The following ZNF431 variants were observed in gnomAD, a reference collection of about 807,000 sequenced individuals.
ZNF431 encodes zinc finger protein 431.
A neutral mutation model predicts 57.0 loss-of-function variants in ZNF431; 34 were observed. The ratio of observed to expected loss-of-function variants is 0.60; its 90% CI spans 0.45 to 0.79. ZNF431 has a LOEUF of 0.79. ZNF431 is among the 30% of genes least tolerant of loss of function. The pLI, the probability that ZNF431 is intolerant of heterozygous loss-of-function variation, is 0.00. For missense variants in ZNF431, 607 were observed against 667.1 expected, an observed-to-expected ratio of 0.91 and a Z score of 0.99; for synonymous variants, 207 against 220.3, an observed-to-expected ratio of 0.94 and a Z score of 0.54.
At chr19:21,155,491 C>T (rs923990564) in intron 2 of ZNF431, among the ~76,000 whole-genome samples, 1 of 152,160 alleles carries the variant, frequency 6.6e-6, no homozygotes, top group Admixed American at 6.5e-5. Flanking sequence ...TTAGGATTGA[C>T]TTGGCAATGT....
rs148582939 is a variant in ZNF431 at position 21,178,525 on chromosome 19, T to G, written c.320-4098T>G. Among the ~76,000 whole-genome samples the G allele has an allele frequency of 2.4e-4, 37 of 152,320 alleles. 1 individual carries two copies. In the East Asian group the frequency reaches 7.1e-3, roughly 29 times the overall value. On this transcript the variant is annotated intron_variant, in intron 4 of 4. Transcript: ENST00000311048. ...TTTTTAACATGAAGGGATGTTGAAT[T>G]TGTTCGAAGGCCTTTTCCGCATTTT...
chr19:21,150,400 A>G, intron 2 of ZNF431: 1 of 317,686 alleles, frequency 3.1e-6, no homozygotes, highest in South Asian at 3.2e-5. Flanking sequence ...CAGGGGTTGG[A>G]GCCACCTTCT....
chr19:21,161,531 A>T (rs998247506), intron 2 of ZNF431, among the ~76,000 whole-genome samples: 1 of 152,074 alleles, frequency 6.6e-6, no homozygotes, highest in Non-Finnish European at 1.5e-5. Context: ...AGTTACATAA[A>T]CTCTGGGATT....
chr19:21,194,469 ATTAC>A lies in ZNF431; in HGVS notation c.*10438_*10441del, dbSNP rs1423044681. ...TTTTTGTTTTTTTATCAAAATGTCG[ATTAC>A]TTTTTTTTTTTTTTTGAGACAGTGT... On this transcript the variant is annotated 3_prime_UTR_variant, in exon 5 of 5. Coordinates refer to ENST00000311048, the MANE Select transcript of ZNF431 (RefSeq NM_133473.4). 7 of 151,194 alleles carry A rather than the reference ATTAC, an allele frequency of 4.6e-5. No individual in the cohort carries two copies. Among genetic ancestry groups the A allele is most frequent in the African/African-American group, 1.7e-4 (7 of 41,206 alleles). The allele number at this position is 151,194 out of a possible 1,614,324, so 9.4% of individuals were successfully genotyped here.
At chr19:21,171,811 C>A (rs993764241) in intron 4 of ZNF431, among the ~76,000 whole-genome samples, 1 of 148,998 alleles carries the variant, frequency 6.7e-6, no homozygotes, top group African/African-American at 2.5e-5. Flanking sequence ...ACCTCCACCT[C>A]CCGGGTTCAA....
chr19:21,149,737 C>A (rs1354188286), intron 2 of ZNF431: 1 of 617,982 alleles, frequency 1.6e-6, no homozygotes, highest in African/African-American at 1.8e-5. Flanking sequence ...GCCTTCCCTC[C>A]CCAGTGATGG....
chr19:21,178,590 G>A (rs1276461876), intron 4 of ZNF431, among the ~76,000 whole-genome samples: 1 of 152,056 alleles, frequency 6.6e-6, no homozygotes, highest in African/African-American at 2.4e-5. Flanking sequence ...ATCTGTTTAT[G>A]TGATGAATTA....
rs1971564235 is a variant in ZNF431 at position 21,194,236 on chromosome 19, C to G, written c.*10202C>G. On this transcript the variant is annotated 3_prime_UTR_variant, in exon 5 of 5. Coordinates refer to ENST00000311048, the MANE Select transcript of ZNF431 (RefSeq NM_133473.4). ...ATAACATTCAAGCTGAGAACAAAAT[C>G]AAGAACAGTTTTCTTTACAATAGCC... 6.6e-6 allele frequency: 1 copy of G among 152,080 alleles called. No homozygotes were observed. The allele number at this position is 152,080 out of a possible 1,614,324, so 9.4% of individuals were successfully genotyped here.
chr19:21,143,985 G>A (rs751299954), intron 2 of ZNF431, among the ~76,000 whole-genome samples: 2 of 151,924 alleles, frequency 1.3e-5, no homozygotes, highest in African/African-American at 2.4e-5. Context: ...AGTGTCTCCT[G>A]TATGGGTGGT....
chr19:21,169,762 A>C (rs1970829316), intron 4 of ZNF431: 1 of 398,472 alleles, frequency 2.5e-6, no homozygotes. Context: ...ACTGAATACC[A>C]GAGAGGATTT....
intron 2 of ZNF431, among the ~76,000 whole-genome samples, chr19:21,146,655 G>T (rs1034055869): frequency 4.6e-5 from 7 of 152,234 alleles, no homozygotes; most frequent in Non-Finnish European, 8.8e-5. Flanking sequence ...GCAATCAGAG[G>T]TCACTCTCGT....
At chr19:21,149,921 T>C in intron 2 of ZNF431, 1 of 613,864 alleles carries the variant, frequency 1.6e-6, no homozygotes, top group Non-Finnish European at 3.0e-6. Context: ...TCCCCTTTTA[T>C]GACACAGGGC....
chr19:21,151,933 A>C lies in ZNF431; in HGVS notation c.96+8290A>C, dbSNP rs149482810. Among the ~76,000 whole-genome samples, 728 of 152,398 alleles carry C rather than the reference A, an allele frequency of 4.8e-3. 7 individuals carry two copies. Among genetic ancestry groups the C allele is most frequent in the African/African-American group, 0.016 (675 of 41,586 alleles). ...TAGAAGTCTCGTCAGAAATTTGTAC[A>C]CTTTTGCCAGCATGCCAGGCTTCTG... On this transcript the variant is annotated intron_variant, in intron 2 of 4. Transcript: ENST00000311048.
At chr19:21,148,604 C>CA (rs1280018302) in intron 2 of ZNF431, among the ~76,000 whole-genome samples, 1 of 152,016 alleles carries the variant, frequency 6.6e-6, no homozygotes, top group Admixed American at 6.6e-5. Context: ...TTAATCTAGG[C>CA]AAAAAAATCC....
chr19:21,151,598 T>C (rs1029809479), intron 2 of ZNF431, among the ~76,000 whole-genome samples: 1 of 152,200 alleles, frequency 6.6e-6, no homozygotes, highest in Admixed American at 6.5e-5. Context: ...GCCACCATTA[T>C]GATGGTGGAG....
Position 21,189,671 on chromosome 19 carries a change from A to G in ZNF431, c.*5637A>G. ...TTCACAAACATGTTTCCAGCCTTCCATTTCTTATAAATAACTTGCATCTGA... is the reference window on the plus strand; with the variant it reads ...TTCACAAACATGTTTCCAGCCTTCCGTTTCTTATAAATAACTTGCATCTGA... On this transcript the variant is annotated 3_prime_UTR_variant, in exon 5 of 5. Coordinates refer to ENST00000311048, the MANE Select transcript of ZNF431 (RefSeq NM_133473.4). 3.0e-6 allele frequency: 1 copy of G among 336,568 alleles called. No individual in the cohort carries two copies. Among genetic ancestry groups the G allele is most frequent in the Middle Eastern group, 7.5e-4 (1 of 1,326 alleles). 20.8% of individuals were successfully genotyped at this position (336,568 alleles called of 1,614,324 possible).
intron 3 of ZNF431, among the ~76,000 whole-genome samples, 178 bp downstream of exon 3, chr19:21,166,639 A>T (rs567594970): frequency 6.6e-6 from 1 of 152,080 alleles, no homozygotes; most frequent in African/African-American, 2.4e-5. Flanking sequence ...TTTCATCTTG[A>T]TCTGAACTTT....
intron 2 of ZNF431, among the ~76,000 whole-genome samples, chr19:21,146,274 G>A (rs183587628): frequency 6.6e-6 from 1 of 152,116 alleles, no homozygotes; most frequent in African/African-American, 2.4e-5. Flanking sequence ...GCCAGGCTTG[G>A]TGGTGCACAC....
At chr19:21,164,609 G>T (rs1428934661) in intron 2 of ZNF431, among the ~76,000 whole-genome samples, 1 of 152,046 alleles carries the variant, frequency 6.6e-6, no homozygotes, top group Non-Finnish European at 1.5e-5. Context: ...AATTTTATCT[G>T]AAAAGGATTT....
Sources: allele counts gnomAD v4.1 joint callset (sites outside exome capture counted in the v4.1 genomes callset), GRCh38; gene constraint gnomAD v4.1.1; transcripts MANE v1.5; gene names NCBI Gene and HGNC (gene_info 2026-07-23, HGNC 2026-07-21).